The following HUNK variants were observed in gnomAD, a reference collection of about 807,000 sequenced individuals.
HUNK encodes hormonally up-regulated Neu-associated kinase.
In HUNK, 21 loss-of-function variants were observed where a neutral mutation model predicts 61.0. The ratio of observed to expected loss-of-function variants is 0.34; its 90% confidence interval spans 0.24 to 0.50. The LOEUF is 0.50. HUNK is among the 20% of genes least tolerant of loss of function. The pLI, the probability that HUNK is intolerant of heterozygous loss-of-function variation, is 0.98. For missense variants in HUNK, 772 were observed against 945.7 expected (o/e 0.82, Z 2.41); for synonymous variants, 371 against 386.1 (o/e 0.96, Z 0.46).
rs2053113197 is a variant in HUNK, at chr21:31,983,599, A to G, written c.1247A>G (p.Glu416Gly). The G allele has an allele frequency of 3.7e-6, 6 of 1,612,734 alleles. No individual in the cohort carries two copies. Among genetic ancestry groups the G allele is most frequent in the Non-Finnish European group, 3.4e-6 (4 of 1,179,160 alleles). Residue 416 changes from glutamate to glycine, a missense_variant, in exon 8 of 11, where the codon GAG becomes GGG. Physicochemically the swap from Glu to Gly is moderately conservative, Grantham distance 98. Around this residue, in one of 2 missense-constraint regions of HUNK, gnomAD observed 413 missense variants for 444.4 expected, o/e 0.93. Transcript: ENST00000270112. ...YQIEKYRAPK[E>G]SYEASLDTWT... The stretch of plus-strand genomic sequence containing the variant: ...ATAGAAAAGTACAGGGCCCCCAAGG[A>G]GTCCTATGAGGTGAGTGACCCCTGA...
chr21:31,873,510 G>A lies in HUNK; in HGVS notation c.-165G>A. ...TATTGTCTACGCGCCTCGCTGGGCG[G>A]CGCGGGGGGCGTGATCGCGGCGGCC... On this transcript the variant is annotated 5_prime_UTR_variant, in exon 1 of 11. Transcript: ENST00000270112. The surrounding 1 kb of genome is among the most constrained non-coding windows in gnomAD (Gnocchi z 6.1). The A allele has an allele frequency of 2.4e-6, 1 of 413,114 alleles. No individual in the cohort carries two copies. The highest frequency in any genetic ancestry group is 3.3e-6 in the Non-Finnish European group (1 of 306,740). The allele number at this position is 413,114 out of a possible 1,614,324, so 25.6% of individuals were successfully genotyped here.
chr21:31,914,432 A>C (rs1324635013), intron 1 of HUNK, among the ~76,000 whole-genome samples: 1 of 150,258 alleles, frequency 6.7e-6, no homozygotes, highest in Non-Finnish European at 1.5e-5. Context: ...AAAAAAAAAA[A>C]AAAAAGACCC....
chr21:31,942,355 T>G (rs2123828765), intron 3 of HUNK, among the ~76,000 whole-genome samples: 1 of 152,322 alleles, frequency 6.6e-6, no homozygotes, highest in Admixed American at 6.5e-5. Flanking sequence ...CCTTAAGTGG[T>G]AGCCCTAGGT....
At chr21:31,887,171 A>T (rs74460501) in intron 1 of HUNK, among the ~76,000 whole-genome samples, 10,920 of 152,068 alleles carry the variant, frequency 0.072, 796 homozygotes, top group East Asian at 0.25. Flanking sequence ...TTCTGCGGGG[A>T]TTTAGTTAGG....
At chr21:31,956,435 G>T (rs976205788) in intron 4 of HUNK, among the ~76,000 whole-genome samples, 3 of 152,094 alleles carry the variant, frequency 2.0e-5, no homozygotes, top group African/African-American at 7.2e-5. Flanking sequence ...CTACAATTTT[G>T]GGACCCTTTT....
Position 32,000,749 on chromosome 21 carries a change from C to T in HUNK, c.*1565C>T. 2.5e-6 allele frequency: 1 copy of T among 398,656 alleles called. No individual in the cohort carries two copies. Among genetic ancestry groups the T allele is most frequent in the Non-Finnish European group, 4.4e-6 (1 of 226,080 alleles). The allele number at this position is 398,656 out of a possible 1,614,324, so 24.7% of individuals were successfully genotyped here. On this transcript the variant is annotated 3_prime_UTR_variant, in exon 11 of 11. Coordinates refer to ENST00000270112, the MANE Select transcript of HUNK (RefSeq NM_014586.2). ...CTTGCCAGAAGGCAGAGAGGCAGTT[C>T]TGAATCATTCTCTCATTCACCAGTG...
chr21:31,885,110 A>G (rs1568916068), intron 1 of HUNK, among the ~76,000 whole-genome samples: 2 of 152,074 alleles, frequency 1.3e-5, no homozygotes, highest in South Asian at 2.1e-4. Flanking sequence ...CATCCAGTCT[A>G]TGGTATTATG....
chr21:31,885,668 T>C (rs1355837043), intron 1 of HUNK, among the ~76,000 whole-genome samples: 1 of 152,218 alleles, frequency 6.6e-6, no homozygotes, highest in Non-Finnish European at 1.5e-5. Flanking sequence ...GGCTGTCTTC[T>C]TCCTGTGTCT....
intron 1 of HUNK, among the ~76,000 whole-genome samples, chr21:31,893,988 C>T (rs2052408735): frequency 6.6e-6 from 1 of 152,188 alleles, no homozygotes; most frequent in African/African-American, 2.4e-5. Context: ...GCCAAAATCT[C>T]TGGGTTTCCA....
intron 7 of HUNK, among the ~76,000 whole-genome samples, chr21:31,981,484 A>G (rs749322345): frequency 3.0e-4 from 46 of 152,156 alleles, no homozygotes; most frequent in Admixed American, 2.6e-3. Context: ...AATTCTTCCA[A>G]TCTGTGAACA....
At chr21:31,906,628 C>T (rs540986995) in intron 1 of HUNK, among the ~76,000 whole-genome samples, 2 of 152,026 alleles carry the variant, frequency 1.3e-5, no homozygotes, top group Non-Finnish European at 2.9e-5. Flanking sequence ...TGGAGCTTCA[C>T]CATGTTGCCC....
intron 5 of HUNK, among the ~76,000 whole-genome samples, chr21:31,962,971 C>G (rs139264052): frequency 6.6e-6 from 1 of 152,322 alleles, no homozygotes; most frequent in East Asian, 1.9e-4. Flanking sequence ...GCTGCTGAGG[C>G]AGCCCAGGGC....
At chr21:31,905,078 A>G (rs964346088) in intron 1 of HUNK, among the ~76,000 whole-genome samples, 6 of 1,252 alleles carry the variant, frequency 4.8e-3, no homozygotes, top group African/African-American at 0.048. Flanking sequence ...ACTGTGTCTA[A>G]AAAAAAAAAA....
intron 1 of HUNK, among the ~76,000 whole-genome samples, chr21:31,883,121 C>T (rs2052321028): frequency 6.6e-6 from 1 of 151,818 alleles, no homozygotes; most frequent in South Asian, 2.1e-4. Context: ...GGGTAAATTC[C>T]TAGTCTTAGG....
At chr21:31,987,541 C>T (rs1428975805) in intron 8 of HUNK, among the ~76,000 whole-genome samples, 1 of 152,126 alleles carries the variant, frequency 6.6e-6, no homozygotes, top group African/African-American at 2.4e-5. Context: ...TCTTTCATCT[C>T]GATTCCTTTT....
chr21:31,902,601 T>C (rs1281335963), intron 1 of HUNK, among the ~76,000 whole-genome samples: 3 of 152,214 alleles, frequency 2.0e-5, no homozygotes, highest in Non-Finnish European at 4.4e-5. Context: ...CAAGTGCTTA[T>C]TCAATGAAAC....
At chr21:31,916,875 C>T (rs562885535) in intron 1 of HUNK, among the ~76,000 whole-genome samples, 1 of 152,054 alleles carries the variant, frequency 6.6e-6, no homozygotes, top group South Asian at 2.1e-4. Flanking sequence ...TGGGGTTTCA[C>T]CATGTTGCCC....
At chr21:31,899,083 A>G (rs1283486138) in intron 1 of HUNK, among the ~76,000 whole-genome samples, 1 of 152,030 alleles carries the variant, frequency 6.6e-6, no homozygotes, top group Non-Finnish European at 1.5e-5. Context: ...CTCATTCTGC[A>G]CTTGGTGCCA....
At chr21:31,943,437 C>A (rs76775018) in intron 3 of HUNK, among the ~76,000 whole-genome samples, 6,316 of 152,174 alleles carry the variant, frequency 0.042, 425 homozygotes, top group African/African-American at 0.14. Context: ...TGAGACAGAC[C>A]CATGTGACAT....
Sources: allele counts gnomAD v4.1 joint callset (sites outside exome capture counted in the v4.1 genomes callset), GRCh38; gene constraint gnomAD v4.1.1; regional missense constraint gnomAD v4.1.1; non-coding constraint Gnocchi (gnomAD v3.1); transcripts MANE v1.5; gene names NCBI Gene and HGNC (gene_info 2026-07-23, HGNC 2026-07-21).